The following LGSN variants were observed in gnomAD, a reference collection of about 807,000 sequenced individuals.
LGSN encodes lengsin, lens protein with glutamine synthetase domain.
A neutral mutation model predicts 19.5 loss-of-function variants in LGSN; 21 were observed. That is an observed-to-expected ratio of 1.07 (90% CI 0.76 to 1.55). LGSN has a LOEUF of 1.55. Among genes scored for constraint, LGSN ranks in the 40% most tolerant of loss-of-function variants. The probability of loss-of-function intolerance (pLI) is 0.00; values close to 1 mark genes in which losing one functional copy is unlikely to be tolerated. For missense variants in LGSN, 673 were observed against 608.5 expected, an observed-to-expected ratio of 1.11 and a Z score of -1.12; for synonymous variants, 257 against 215.6, an observed-to-expected ratio of 1.19 and a Z score of -1.68.
the LGSN span, among the ~76,000 whole-genome samples, chr6:63,406,123 C>A: frequency 6.6e-6 from 1 of 152,136 alleles, no homozygotes; most frequent in South Asian, 2.1e-4. Context: ...ATCAACAAGG[C>A]AGAAAGTTAA....
chr6:63,464,038 GA>G, the LGSN span, among the ~76,000 whole-genome samples: 1 of 151,326 alleles, frequency 6.6e-6, no homozygotes, highest in Non-Finnish European at 1.5e-5. Context: ...GAGCATAAAT[GA>G]AAAAAAATTG....
At chr6:63,486,941 T>C in the LGSN span, among the ~76,000 whole-genome samples, 1 of 151,974 alleles carries the variant, frequency 6.6e-6, no homozygotes, top group Non-Finnish European at 1.5e-5. Context: ...GTTCCAGTGA[T>C]TCTCCTACCT....
intron 2 of LGSN, among the ~76,000 whole-genome samples, chr6:63,292,579 CA>C (rs1210304816): frequency 6.6e-6 from 1 of 152,262 alleles, no homozygotes; most frequent in East Asian, 1.9e-4. Context: ...TGAAGTCAGC[CA>C]AATGCCCAGT....
At chr6:63,336,632 A>ATT in the LGSN span, among the ~76,000 whole-genome samples, 4 of 143,930 alleles carry the variant, frequency 2.8e-5, no homozygotes, top group Non-Finnish European at 6.1e-5. Flanking sequence ...AAAAATAATG[A>ATT]TTTTTTTTTT....
At chr6:63,511,239 T>C in the LGSN span, among the ~76,000 whole-genome samples, 1 of 150,746 alleles carries the variant, frequency 6.6e-6, no homozygotes, top group Non-Finnish European at 1.5e-5. Flanking sequence ...TACAAGTAAA[T>C]AGATTTCTTT....
the LGSN span, among the ~76,000 whole-genome samples, chr6:63,424,508 G>GACACACAC: frequency 6.8e-5 from 10 of 146,694 alleles, no homozygotes; most frequent in African/African-American, 2.3e-4. Flanking sequence ...ACCAAAACCA[G>GACACACAC]ACACACACAC....
chr6:63,416,932 T>TACACAC, the LGSN span, among the ~76,000 whole-genome samples: 2,955 of 147,886 alleles, frequency 0.02, 104 homozygotes, highest in African/African-American at 0.066. Context: ...CATATGTATG[T>TACACAC]ACACACACAC....
chr6:63,387,570 G>C, the LGSN span, among the ~76,000 whole-genome samples: 1 of 152,052 alleles, frequency 6.6e-6, no homozygotes, highest in Non-Finnish European at 1.5e-5. Context: ...AGGGACAACT[G>C]TATTCACAGA....
In LGSN at chr6:63,280,021, C is replaced by A; in HGVS notation, c.1530G>T (p.Ter510TyrextTer15). 6.3e-7 allele frequency: 1 copy of A among 1,590,460 alleles called. No individual in the cohort carries two copies. Among genetic ancestry groups the A allele is most frequent in the South Asian group, 1.2e-5 (1 of 85,842 alleles). The change falls in exon 4 of 4, where the codon TAG (stop) becomes TAT (tyrosine). Residue 510 changes from the stop codon to tyrosine (Y), a stop_lost. Transcript: ENST00000370657. ...TAAAGGAGTAGTTGTGAGCTCTATT[C>A]TAAATAAAATACTCTAAGAATTTAT... ...ERNKFLEYFI[*>Y]
chr6:63,525,414 T>G, the LGSN span, among the ~76,000 whole-genome samples: 2 of 152,216 alleles, frequency 1.3e-5, no homozygotes, highest in Non-Finnish European at 2.9e-5. Flanking sequence ...CCTTCCCGTT[T>G]GCTTGCTATT....
At chr6:63,331,840 C>T in the LGSN span, among the ~76,000 whole-genome samples, 466 of 152,144 alleles carry the variant, frequency 3.1e-3, 3 homozygotes, top group African/African-American at 0.01. Context: ...GAGGACTGAC[C>T]AAGAAAAATC....
the LGSN span, among the ~76,000 whole-genome samples, chr6:63,327,407 T>C: frequency 6.6e-6 from 1 of 152,174 alleles, no homozygotes; most frequent in African/African-American, 2.4e-5. Context: ...TGTTGTCTGA[T>C]TTCGGAAGCC....
chr6:63,373,951 G>T, the LGSN span, among the ~76,000 whole-genome samples: 1 of 152,052 alleles, frequency 6.6e-6, no homozygotes, highest in African/African-American at 2.4e-5. Context: ...AAAAGGCCAG[G>T]GTGGGGTGGC....
At chr6:63,321,251 A>G (rs184465213), upstream of LGSN, among the ~76,000 whole-genome samples, 4 of 152,246 alleles carry the variant, frequency 2.6e-5, no homozygotes, top group Admixed American at 2.6e-4. Context: ...CCACTTTTAC[A>G]ACTTTTTCTT....
chr6:63,516,884 A>G, the LGSN span, among the ~76,000 whole-genome samples: 1 of 152,204 alleles, frequency 6.6e-6, no homozygotes, highest in East Asian at 1.9e-4. Flanking sequence ...ATTGGAAGCT[A>G]TATGTGCCAG....
At chr6:63,400,406 A>T in the LGSN span, among the ~76,000 whole-genome samples, 1 of 152,208 alleles carries the variant, frequency 6.6e-6, no homozygotes, top group Non-Finnish European at 1.5e-5. Context: ...GTCCTACCAA[A>T]AGATGGATAA....
the LGSN span, among the ~76,000 whole-genome samples, chr6:63,405,291 C>T: frequency 6.6e-5 from 10 of 152,048 alleles, no homozygotes; most frequent in African/African-American, 2.4e-4. Context: ...TTTATAGCAG[C>T]ATGATTTATA....
chr6:63,336,559 G>GTATATATA, the LGSN span, among the ~76,000 whole-genome samples: 10 of 124,742 alleles, frequency 8.0e-5, no homozygotes, highest in South Asian at 2.7e-4. Flanking sequence ...GTGTGTGTGT[G>GTATATATA]TGTATATATA....
At chr6:63,559,504 TG>T in the LGSN span, among the ~76,000 whole-genome samples, 1 of 152,166 alleles carries the variant, frequency 6.6e-6, no homozygotes, top group Non-Finnish European at 1.5e-5. Context: ...CCCAGCACTT[TG>T]GGAGGCCGAG....
Sources: gnomAD v4.1 joint callset for allele counts (sites outside exome capture counted in the v4.1 genomes callset) on GRCh38, gnomAD v4.1.1 for gene constraint, MANE v1.5 for transcripts, NCBI Gene and HGNC (gene_info 2026-07-23, HGNC 2026-07-21) for gene names.